Variants in KIF24 observed in about 807,000 individuals in gnomAD.
KIF24 encodes the protein kinesin family member 24.
A neutral mutation model predicts 118.9 loss-of-function variants in KIF24; 81 were observed. The ratio of observed to expected loss-of-function variants is 0.68; its 90% CI spans 0.57 to 0.82. The LOEUF is 0.82. Among genes scored for constraint, KIF24 ranks in the 40% least tolerant of loss-of-function variants. The probability of loss-of-function intolerance (pLI) is 0.00; values close to 1 mark genes in which losing one functional copy is unlikely to be tolerated. For missense variants in KIF24, 1,560 were observed against 1,661.6 expected, an observed-to-expected ratio of 0.94 and a Z score of 1.06; for synonymous variants, 599 against 610.0, an observed-to-expected ratio of 0.98 and a Z score of 0.27.
Position 34,306,540 on chromosome 9 carries a change from C to T in KIF24, c.624-99G>A, listed in dbSNP as rs145077299. 229 of 758,096 alleles carry T rather than the reference C, an allele frequency of 3.0e-4. 1 individual carries two copies. The African/African-American group carries it at 3.0e-3, about 10-fold the overall frequency. 47.0% of individuals were successfully genotyped at this position (758,096 alleles called of 1,614,324 possible). On this transcript the variant is annotated intron_variant, in intron 2 of 12. Coordinates refer to ENST00000402558, the MANE Select transcript of KIF24 (RefSeq NM_194313.4). ...CCTTTTAGCCGGGCGCGGTGGCTTA[C>T]GCCTGTAATCCCAGCACTTTGAGAG...
At position 34,310,884 on chromosome 9, in the gene KIF24, T is replaced by A. The variant is rs752215121; in HGVS notation, c.463A>T (p.Asn155Tyr). 2 of 1,613,882 alleles carry A rather than the reference T, an allele frequency of 1.2e-6. No homozygotes were observed. Among genetic ancestry groups the A allele is most frequent in the South Asian group, 2.2e-5 (2 of 91,084 alleles). ...ACATAGGAATCACCAGCTGTGGCATTCAGAATTCCTGTTTTTGTATGGTAC... is the reference window on the plus strand; with the variant it reads ...ACATAGGAATCACCAGCTGTGGCATACAGAATTCCTGTTTTTGTATGGTAC... ...SQYHTKTGIL[N>Y]ATAGDSYVQT... Residue 155 changes from asparagine (N) to tyrosine (Y), a missense_variant, in exon 2 of 13, where the codon AAT becomes TAT. Around this residue, in one of 3 missense-constraint regions of KIF24, gnomAD observed 964 missense variants for 988.0 expected, o/e 0.98. Coordinates refer to ENST00000402558, the MANE Select transcript of KIF24 (RefSeq NM_194313.4).
rs1438971150 is a variant in KIF24 at position 34,252,447 on chromosome 9, G to A, written c.*1933C>T. 1.4e-5 allele frequency: 2 copies of A among 140,296 alleles called. No individual in the cohort carries two copies. The highest frequency in any genetic ancestry group is 5.2e-5 in the African/African-American group (2 of 38,286). 8.7% of individuals were successfully genotyped at this position (140,296 alleles called of 1,614,324 possible). On this transcript the variant is annotated 3_prime_UTR_variant, in exon 13 of 13. Transcript: ENST00000402558. ...AAGATCTAAATACAAAGGATATACA[G>A]TCTTGAATCTAAAATAATTTGCTAA...
chr9:34,319,583 C>T, intron 1 of KIF24: 2 of 1,026,344 alleles, frequency 1.9e-6, no homozygotes, highest in Non-Finnish European at 1.5e-6. Context: ...TGTGGGACAC[C>T]CAGAGCGGCT....
rs989732973 is a variant in KIF24 at position 34,311,049 on chromosome 9, A to G, written c.298T>C (p.Phe100Leu). 4 of 1,613,844 alleles carry G rather than the reference A, an allele frequency of 2.5e-6. No homozygotes were observed. In the African/African-American group the frequency reaches 5.3e-5, roughly 22 times the overall value. Reference protein sequence around the residue: ...LRSGPRRQLNFDSPADNKDRN... With the variant: ...LRSGPRRQLNLDSPADNKDRN... The stretch of plus-strand genomic sequence containing the variant: ...TCTTTATTGTCAGCAGGAGAATCAA[A>G]ATTCAGCTGTCTGCGAGGGCCAGAT... Residue 100 changes from phenylalanine to leucine, a missense_variant, in exon 2 of 13, where the codon TTT becomes CTT. Phe to Leu is a conservative substitution (Grantham distance 22). Around this residue, in one of 3 missense-constraint regions of KIF24, gnomAD observed 964 missense variants for 988.0 expected, o/e 0.98. Coordinates refer to ENST00000402558, the MANE Select transcript of KIF24 (RefSeq NM_194313.4).
intron 1 of KIF24, among the ~76,000 whole-genome samples, chr9:34,326,387 G>A (rs1837673699): frequency 6.6e-6 from 1 of 152,090 alleles, no homozygotes; most frequent in Non-Finnish European, 1.5e-5. Context: ...AACAGATAAG[G>A]TCCCTGCCCT....
At chr9:34,268,652 C>T (rs997064170) in intron 8 of KIF24, among the ~76,000 whole-genome samples, 3 of 151,934 alleles carry the variant, frequency 2.0e-5, no homozygotes, top group Non-Finnish European at 4.4e-5. Flanking sequence ...GAATTACAGG[C>T]GCTCGGCACC....
At chr9:34,286,745 A>T in intron 5 of KIF24, 41 bp from the exon 6 acceptor site, 1 of 1,375,588 alleles carries the variant, frequency 7.3e-7, no homozygotes, top group Non-Finnish European at 1.0e-6. Context: ...GGTGCTACTA[A>T]AACAGACTTT....
At chr9:34,269,730 T>C (rs906851538) in intron 7 of KIF24, among the ~76,000 whole-genome samples, 2 of 152,086 alleles carry the variant, frequency 1.3e-5, no homozygotes, top group Non-Finnish European at 2.9e-5. Context: ...GAAGCTTTAT[T>C]TTTGTATCAG....
At chr9:34,319,521 G>C (rs776471647) in intron 1 of KIF24, 3 of 1,227,440 alleles carry the variant, frequency 2.4e-6, no homozygotes, top group South Asian at 2.5e-5. Context: ...TGGGAGCAAG[G>C]AGCTGCGCAG....
In KIF24 at chr9:34,259,688, GAA is replaced by G. The variant is rs781716939; in HGVS notation, c.1531_1532del (p.Phe511HisfsTer20). 1 of 1,613,658 alleles carries G rather than the reference GAA, an allele frequency of 6.2e-7. No individual in the cohort carries two copies. The highest frequency in any genetic ancestry group is 8.5e-7 in the Non-Finnish European group (1 of 1,179,590). On this transcript the variant is annotated frameshift_variant, in exon 10 of 13. Coordinates refer to ENST00000402558, the MANE Select transcript of KIF24 (RefSeq NM_194313.4). LOFTEE classifies it high-confidence loss of function. ...SKLTQVLKDS[F>X]IGNAKTCMIA... ...TCATGCAGGTTTTGGCATTGCCGAT[GAA>G]AGAGTCCTTCAGGACCTGTCCAAAA...
At chr9:34,270,365 A>T (rs1336630539) in intron 7 of KIF24, among the ~76,000 whole-genome samples, 1 of 151,168 alleles carries the variant, frequency 6.6e-6, no homozygotes, top group Admixed American at 6.6e-5. Flanking sequence ...AAATACAAAA[A>T]ATTAGCCAGG....
intron 6 of KIF24, among the ~76,000 whole-genome samples, chr9:34,280,976 A>G (rs948168108): frequency 6.6e-6 from 1 of 152,206 alleles, no homozygotes; most frequent in Non-Finnish European, 1.5e-5. Context: ...TAGGCAAATG[A>G]TAACAGAAGA....
Position 34,252,521 on chromosome 9 carries a change from G to A in KIF24, c.*1859C>T, listed in dbSNP as rs1367138996. The A allele has an allele frequency of 6.6e-6, 1 of 152,570 alleles. No homozygotes were observed. Among genetic ancestry groups the A allele is most frequent in the African/African-American group, 2.4e-5 (1 of 41,434 alleles). The allele number at this position is 152,570 out of a possible 1,614,324, so 9.5% of individuals were successfully genotyped here. A position where few individuals can be genotyped will look rare whatever the true frequency, so the allele number is the denominator to read the frequency against. The stretch of plus-strand genomic sequence containing the variant: ...AGAACTACTAATAAAAATCTAAAAG[G>A]TATGTCTTGGTGTGATAACTTCTTT... On this transcript the variant is annotated 3_prime_UTR_variant, in exon 13 of 13. Coordinates refer to ENST00000402558, the MANE Select transcript of KIF24 (RefSeq NM_194313.4).
At position 34,257,710 on chromosome 9, in the gene KIF24, A is replaced by T. The variant is rs771369863; in HGVS notation, c.1897T>A (p.Ser633Thr). 2 of 1,614,000 alleles carry T rather than the reference A, an allele frequency of 1.2e-6. No homozygotes were observed. Among genetic ancestry groups the T allele is most frequent in the East Asian group, 4.5e-5 (2 of 44,886 alleles). Residue 633 changes from serine to threonine, a missense_variant, in exon 11 of 13, where the codon TCC (serine) becomes ACC (threonine). Physicochemically the swap from Ser to Thr is moderately conservative, Grantham distance 58. Around this residue, in one of 3 missense-constraint regions of KIF24, gnomAD observed 964 missense variants for 988.0 expected, o/e 0.98. Coordinates refer to ENST00000402558, the MANE Select transcript of KIF24 (RefSeq NM_194313.4). ...CACTCTTGTGAAGGACTCCCTCTGG[A>T]GCCACCCCTTTTACCAGAGACCTTA... ...APKVSGKRGG[S>T]RGSPSQEWVI...
intron 6 of KIF24, among the ~76,000 whole-genome samples, chr9:34,276,540 CAAT>C (rs1340874700): frequency 1.3e-5 from 2 of 151,712 alleles, no homozygotes; most frequent in Non-Finnish European, 1.5e-5. Context: ...CAAACTTCAA[CAAT>C]AAGACATAAA....
In KIF24 at chr9:34,257,309, G is replaced by A; in HGVS notation, c.2298C>T (p.Phe766=). Residue 766 remains phenylalanine (F), a synonymous_variant, in exon 11 of 13, where the codon TTC becomes TTT. Coordinates refer to ENST00000402558, the MANE Select transcript of KIF24 (RefSeq NM_194313.4). ...GTGGCTGTTGGAACTGCTGGTGATA[G>A]AAACGCAGATGTTCCTCCCTCTCCT... ...HQKEREEHLR[F]YHQQFQQPPL... 6.2e-7 allele frequency: 1 copy of A among 1,614,074 alleles called. No homozygotes were observed. The highest frequency in any genetic ancestry group is 1.1e-5 in the South Asian group (1 of 91,090).
intron 1 of KIF24, among the ~76,000 whole-genome samples, chr9:34,324,770 C>T (rs919203797): frequency 2.6e-5 from 4 of 152,090 alleles, no homozygotes; most frequent in African/African-American, 4.8e-5. Context: ...CTTCTTAGAC[C>T]GTTTTATTTC....
intron 9 of KIF24, among the ~76,000 whole-genome samples, chr9:34,261,434 A>AAAAAC (rs1193736603): frequency 6.6e-6 from 1 of 152,262 alleles, no homozygotes; most frequent in African/African-American, 2.4e-5. Flanking sequence ...TTCATGACAG[A>AAAAAC]AAAACAAAAC....
chr9:34,277,450 G>C (rs1290296244), intron 6 of KIF24, among the ~76,000 whole-genome samples: 3 of 152,124 alleles, frequency 2.0e-5, no homozygotes, highest in African/African-American at 4.8e-5. Flanking sequence ...AGCTCAGAGA[G>C]GCCTCAAGAC....
Sources: gnomAD v4.1 joint callset for allele counts (sites outside exome capture counted in the v4.1 genomes callset) on GRCh38, gnomAD v4.1.1 for gene constraint, gnomAD v4.1.1 regional missense constraint, MANE v1.5 for transcripts, NCBI Gene and HGNC (gene_info 2026-07-23, HGNC 2026-07-21) for gene names.